PCNX2: variants seen among roughly 807,000 people sequenced by gnomAD.
PCNX2 encodes pecanex-like protein 2.
A neutral mutation model predicts 223.8 loss-of-function variants in PCNX2; 168 were observed. The observed-to-expected ratio is 0.75, with a 90% CI of 0.66 to 0.85. PCNX2 has a LOEUF of 0.85. Among genes scored for constraint, PCNX2 ranks in the 40% least tolerant of loss-of-function variants. The pLI is 0.00. For missense variants in PCNX2, 2,507 were observed against 2,675.5 expected, an observed-to-expected ratio of 0.94 and a Z score of 1.39; for synonymous variants, 1,006 against 1,052.6, an observed-to-expected ratio of 0.96 and a Z score of 0.86.
chr1:233,065,304 G>T (rs1356210639), intron 23 of PCNX2, among the ~76,000 whole-genome samples: 1 of 152,164 alleles, frequency 6.6e-6, no homozygotes, highest in African/African-American at 2.4e-5. Context: ...TATTGTAAAA[G>T]TCTATTTCCT....
At chr1:233,076,506 C>G (rs1299728725) in intron 23 of PCNX2, among the ~76,000 whole-genome samples, 1 of 152,100 alleles carries the variant, frequency 6.6e-6, no homozygotes, top group Non-Finnish European at 1.5e-5. Flanking sequence ...GAACACAATG[C>G]CCATTATACC....
chr1:233,167,124 G>C (rs1678846062), intron 17 of PCNX2, among the ~76,000 whole-genome samples: 1 of 152,198 alleles, frequency 6.6e-6, no homozygotes, highest in South Asian at 2.1e-4. Flanking sequence ...CAATAGCCAA[G>C]ATGTGGAAAC....
intron 23 of PCNX2, among the ~76,000 whole-genome samples, chr1:233,081,351 T>TA (rs11319970): frequency 5.3e-5 from 8 of 151,824 alleles, no homozygotes; most frequent in Non-Finnish European, 7.4e-5. Context: ...ATCTCAAAAA[T>TA]AAAAAAATAA....
At chr1:233,120,164 CAAAA>C (rs1228898502) in intron 21 of PCNX2, among the ~76,000 whole-genome samples, 7 of 42,668 alleles carry the variant, frequency 1.6e-4, no homozygotes, top group Non-Finnish European at 3.1e-4. Context: ...GACTCCATTT[CAAAA>C]AAAAAAAAAA....
At chr1:233,012,545 G>A (rs1042213974) in intron 28 of PCNX2, among the ~76,000 whole-genome samples, 2 of 152,094 alleles carry the variant, frequency 1.3e-5, no homozygotes, top group Non-Finnish European at 1.5e-5. Flanking sequence ...ATACTGAGAG[G>A]ATTCTCCCCA....
chr1:233,282,591 C>T (rs575663788), intron 1 of PCNX2, among the ~76,000 whole-genome samples: 145 of 152,270 alleles, frequency 9.5e-4, no homozygotes, highest in Non-Finnish European at 1.9e-3. Context: ...CCCATCCTTA[C>T]GCCTCTACCC....
chr1:233,259,971 A>G (rs1350576973), intron 4 of PCNX2: 2 of 353,540 alleles, frequency 5.7e-6, no homozygotes, highest in Non-Finnish European at 7.9e-6. Context: ...AATTTAAAGT[A>G]TACAGGAGGA....
chr1:233,244,421 A>G (rs1658975675), intron 8 of PCNX2, among the ~76,000 whole-genome samples: 2 of 152,204 alleles, frequency 1.3e-5, no homozygotes, highest in African/African-American at 4.8e-5. Flanking sequence ...AATAAAACAC[A>G]GGGCTGGACT....
chr1:233,032,377 A>C (rs1671300331), intron 25 of PCNX2, among the ~76,000 whole-genome samples: 1 of 152,218 alleles, frequency 6.6e-6, no homozygotes, highest in African/African-American at 2.4e-5. Flanking sequence ...TGCTGGGATT[A>C]CAGGTGTGAG....
At chr1:233,169,301 A>C (rs1047760342) in intron 17 of PCNX2, among the ~76,000 whole-genome samples, 2 of 152,082 alleles carry the variant, frequency 1.3e-5, no homozygotes, top group African/African-American at 4.8e-5. Flanking sequence ...ATTTTGGATA[A>C]ATATTTGATT....
chr1:233,100,020 T>A (rs1004920111), intron 21 of PCNX2, among the ~76,000 whole-genome samples: 1 of 152,160 alleles, frequency 6.6e-6, no homozygotes, highest in Non-Finnish European at 1.5e-5. Flanking sequence ...CTCAGCGCTA[T>A]GAAAATGCAT....
rs1242764816 is a variant in PCNX2 at position 232,984,352 on chromosome 1, C to G, written c.6366G>C (p.Met2122Ile). The G allele has an allele frequency of 6.2e-7, 1 of 1,613,250 alleles. No homozygotes were observed. Among genetic ancestry groups the G allele is most frequent in the Non-Finnish European group, 8.5e-7 (1 of 1,179,750 alleles). ...GCTGCGAGGCCGTGTCGTCCAGGCC[C>G]ATGTCCTCCTGGCTTGCTCTCCTGC... ...VVCRRASQED[M>I]GLDDTASQQS... The change falls in exon 34 of 34, where the codon ATG becomes ATC. Residue 2122 changes from methionine (M) to isoleucine (I), a missense_variant. Met to Ile is a conservative substitution (Grantham distance 10, BLOSUM62 1). This residue lies in a region of PCNX2 where 1,372 missense variants were observed against 1,509.4 expected (regional missense o/e 0.91). Coordinates refer to ENST00000258229, the MANE Select transcript of PCNX2 (RefSeq NM_014801.4).
intron 19 of PCNX2, among the ~76,000 whole-genome samples, chr1:233,159,255 A>C (rs1397739224): frequency 6.6e-6 from 1 of 152,106 alleles, no homozygotes; most frequent in Non-Finnish European, 1.5e-5. Context: ...CCTTGTGCCC[A>C]CCCAGAGATG....
At chr1:233,322,063 A>G in the PCNX2 span, among the ~76,000 whole-genome samples, 1 of 152,162 alleles carries the variant, frequency 6.6e-6, no homozygotes, top group African/African-American at 2.4e-5. Context: ...TTAAGGGTTG[A>G]TTCTTCTTTC....
At chr1:233,032,074 G>A (rs1558176831) in intron 25 of PCNX2, 2 of 953,532 alleles carry the variant, frequency 2.1e-6, no homozygotes, top group Non-Finnish European at 1.2e-6. Flanking sequence ...TTCCAATGGA[G>A]GAAATAAGAC....
intron 23 of PCNX2, among the ~76,000 whole-genome samples, chr1:233,077,871 A>G (rs1297870494): frequency 6.6e-6 from 1 of 152,184 alleles, no homozygotes; most frequent in Non-Finnish European, 1.5e-5. Context: ...AGAGCCAAAC[A>G]CAGCAATCCA....
intron 25 of PCNX2, among the ~76,000 whole-genome samples, chr1:233,027,194 T>C (rs1052278240): frequency 1.3e-5 from 2 of 152,094 alleles, no homozygotes; most frequent in Non-Finnish European, 2.9e-5. Context: ...TGCTTACAGG[T>C]CAAATTACAT....
At chr1:233,162,766 C>G (rs980577562) in intron 17 of PCNX2, among the ~76,000 whole-genome samples, 3 of 152,130 alleles carry the variant, frequency 2.0e-5, no homozygotes, top group African/African-American at 4.8e-5. Context: ...TTTTCATTAA[C>G]ATGGTTTTAT....
intron 1 of PCNX2, among the ~76,000 whole-genome samples, chr1:233,279,389 T>TGTG (rs1661071687): frequency 1.4e-5 from 2 of 142,592 alleles, no homozygotes; most frequent in East Asian, 2.1e-4. Flanking sequence ...TAATTTGTGT[T>TGTG]TGTGTGTGTG....
Sources: gnomAD v4.1 joint callset for allele counts (sites outside exome capture counted in the v4.1 genomes callset) on GRCh38, gnomAD v4.1.1 for gene constraint, gnomAD v4.1.1 regional missense constraint, MANE v1.5 for transcripts, NCBI Gene and HGNC (gene_info 2026-07-23, HGNC 2026-07-21) for gene names.